The following CACNA2D2 variants were observed in gnomAD, a reference collection of about 807,000 sequenced individuals.
CACNA2D2 encodes calcium voltage-gated channel auxiliary subunit alpha2delta 2.
CACNA2D2 carries 48 observed loss-of-function variants against 166.4 expected under a neutral mutation model. The observed-to-expected ratio is 0.29, with a 90% CI of 0.23 to 0.37. CACNA2D2 has a LOEUF of 0.37. Ranked by LOEUF, CACNA2D2 falls within the 10% of genes least tolerant of loss-of-function variation. The pLI, the probability that CACNA2D2 is intolerant of heterozygous loss-of-function variation, is 1.00. For missense variants in CACNA2D2, 1,122 were observed against 1,433.0 expected (o/e 0.78, Z 3.50); for synonymous variants, 561 against 573.7 (o/e 0.98, Z 0.32).
rs575855941 is a variant in CACNA2D2 at position 50,394,069 on chromosome 3, G to C, written c.465+40C>G. 1.1e-5 allele frequency: 17 copies of C among 1,585,682 alleles called. No homozygotes were observed. In the South Asian group the frequency reaches 1.9e-4, roughly 18 times the overall value. On this transcript the variant is annotated intron_variant, in intron 4 of 37. Transcript: ENST00000424201. ...CAGCATTCAAATCCACGCATGGATG[G>C]GCATGCCCTAAGTGCTGGGCAGGGT...
In CACNA2D2 at chr3:50,380,067, G is replaced by T; in HGVS notation, c.843-49C>A. On this transcript the variant is annotated intron_variant, in intron 8 of 37. Coordinates refer to ENST00000424201, the MANE Select transcript of CACNA2D2 (RefSeq NM_006030.4). This position sits in a 1 kb window ranked among gnomAD's most constrained non-coding sequence, Gnocchi z 4.9. ...GGGTAAGGCCCACTGGGACCTTGTG[G>T]GTCCTTCCTTCCTTCACATACATAT... 2 of 1,586,906 alleles carry T rather than the reference G, an allele frequency of 1.3e-6. No individual in the cohort carries two copies. Among genetic ancestry groups the T allele is most frequent in the Non-Finnish European group, 1.7e-6 (2 of 1,155,616 alleles).
At chr3:50,440,017 T>C (rs1708515761) in intron 2 of CACNA2D2, among the ~76,000 whole-genome samples, 1 of 152,240 alleles carries the variant, frequency 6.6e-6, no homozygotes, top group Admixed American at 6.5e-5. Flanking sequence ...GGAGAGTTGA[T>C]GGGGTAACCA....
At chr3:50,372,885 G>A (rs1704733638) in intron 22 of CACNA2D2, among the ~76,000 whole-genome samples, 1 of 151,786 alleles carries the variant, frequency 6.6e-6, no homozygotes, top group Non-Finnish European at 1.5e-5. Flanking sequence ...ACAGGCCACT[G>A]GCTCTCATAG....
intron 2 of CACNA2D2, among the ~76,000 whole-genome samples, chr3:50,466,633 C>A (rs1709839944): frequency 6.6e-6 from 1 of 152,368 alleles, no homozygotes; most frequent in Non-Finnish European, 1.5e-5. Flanking sequence ...TCTCATGAAC[C>A]ATGATCAGCC....
intron 6 of CACNA2D2, among the ~76,000 whole-genome samples, chr3:50,382,002 A>G (rs1015785179): frequency 2.0e-5 from 3 of 151,364 alleles, no homozygotes; most frequent in African/African-American, 7.3e-5. Context: ...ACACACACAC[A>G]CACACACACA....
chr3:50,464,132 C>A (rs1370467568), intron 2 of CACNA2D2, among the ~76,000 whole-genome samples: 3 of 152,214 alleles, frequency 2.0e-5, no homozygotes, highest in African/African-American at 7.2e-5. Flanking sequence ...CTGAAGCCCC[C>A]CCAGCGACCC....
Position 50,380,053 on chromosome 3 carries a change from A to C in CACNA2D2, c.843-35T>G, listed in dbSNP as rs755512303. 2.5e-6 allele frequency: 4 copies of C among 1,610,426 alleles called. No homozygotes were observed. The highest frequency in any genetic ancestry group is 1.1e-5 in the South Asian group (1 of 91,034). On this transcript the variant is annotated intron_variant, in intron 8 of 37. Transcript: ENST00000424201. The surrounding 1 kb of genome is among the most constrained non-coding windows in gnomAD (Gnocchi z 4.9). ...AGATGCCTCTGTTAGGGTAAGGCCC[A>C]CTGGGACCTTGTGGGTCCTTCCTTC...
At chr3:50,449,174 G>A (rs1708992207) in intron 2 of CACNA2D2, among the ~76,000 whole-genome samples, 1 of 152,234 alleles carries the variant, frequency 6.6e-6, no homozygotes, top group South Asian at 2.1e-4. Flanking sequence ...GAAGCCAAGA[G>A]AGGAACAAAC....
intron 2 of CACNA2D2, among the ~76,000 whole-genome samples, chr3:50,441,291 G>A (rs41315892): frequency 7.9e-5 from 12 of 151,436 alleles, no homozygotes; most frequent in South Asian, 2.1e-4. Context: ...CCCCAGCAAC[G>A]CCTCCCTGTT....
At chr3:50,484,873 C>T (rs1339547597) in intron 1 of CACNA2D2, among the ~76,000 whole-genome samples, 2 of 152,260 alleles carry the variant, frequency 1.3e-5, no homozygotes, top group Non-Finnish European at 2.9e-5. Flanking sequence ...GCCCTCCTGT[C>T]CAGCTTGTGT....
At position 50,408,182 on chromosome 3, in the gene CACNA2D2, A is replaced by C. The variant is rs544863644; in HGVS notation, c.406-14014T>G. ...GATCAAATGGCAGAGCTCAAACTGA[A>C]TCCAGCTTTGTCCATGCCAGGGATG... On this transcript the variant is annotated intron_variant, in intron 3 of 37. Transcript: ENST00000424201. 3.9e-5 allele frequency among the ~76,000 whole-genome samples: 6 copies of C among 152,346 alleles called. No homozygotes were observed. In the South Asian group the frequency reaches 1.2e-3, roughly 32 times the overall value.
intron 2 of CACNA2D2, among the ~76,000 whole-genome samples, chr3:50,450,407 T>C (rs2106952846): frequency 7.5e-6 from 1 of 132,692 alleles, no homozygotes; most frequent in South Asian, 2.6e-4. Flanking sequence ...GAGCTGCTAA[T>C]TCCTCGCCAG....
At position 50,503,173 on chromosome 3, in the gene CACNA2D2, G is replaced by A. The variant is rs1418051529; in HGVS notation, c.206+45C>T. 6.9e-5 allele frequency: 78 copies of A among 1,131,542 alleles called. No individual in the cohort carries two copies. The Admixed American group carries it at 3.6e-3, about 52-fold the overall frequency. The allele number at this position is 1,131,542 out of a possible 1,614,324, so 70.1% of individuals were successfully genotyped here. On this transcript the variant is annotated intron_variant, in intron 1 of 37. Transcript: ENST00000424201. ...TAGCGCGGACCGGGGGCAGAGCGGGGCGCAAGGCTCGGCCGGGGTCTCGCG... is the reference window on the plus strand; with the variant it reads ...TAGCGCGGACCGGGGGCAGAGCGGGACGCAAGGCTCGGCCGGGGTCTCGCG...
At chr3:50,390,046 C>T (rs912899012) in intron 4 of CACNA2D2, among the ~76,000 whole-genome samples, 2 of 152,134 alleles carry the variant, frequency 1.3e-5, no homozygotes, top group African/African-American at 4.8e-5. Flanking sequence ...AGGCCTCTGT[C>T]TGCTTGGGCC....
intron 1 of CACNA2D2, among the ~76,000 whole-genome samples, chr3:50,487,246 G>A (rs1300018523): frequency 1.3e-5 from 2 of 152,210 alleles, no homozygotes; most frequent in African/African-American, 2.4e-5. Context: ...GCCGCCCCTC[G>A]TATACAGCCT....
intron 4 of CACNA2D2, among the ~76,000 whole-genome samples, chr3:50,390,126 T>C (rs927014790): frequency 8.5e-5 from 13 of 152,136 alleles, no homozygotes; most frequent in African/African-American, 2.7e-4. Context: ...CAGTATTCTC[T>C]AGTGACTGAG....
At chr3:50,369,834 A>C (rs1446525525) in intron 23 of CACNA2D2, among the ~76,000 whole-genome samples, 1 of 152,134 alleles carries the variant, frequency 6.6e-6, no homozygotes, top group Non-Finnish European at 1.5e-5. Flanking sequence ...CAACCCCCCA[A>C]GTGAAGTACC....
intron 2 of CACNA2D2, among the ~76,000 whole-genome samples, chr3:50,442,268 C>T (rs961172942): frequency 6.2e-4 from 95 of 152,354 alleles, no homozygotes; most frequent in African/African-American, 2.2e-3. Context: ...GTGTCCCCGC[C>T]TGCCTATGCC....
At chr3:50,399,178 C>T (rs1307659590) in intron 3 of CACNA2D2, among the ~76,000 whole-genome samples, 2 of 152,180 alleles carry the variant, frequency 1.3e-5, no homozygotes, top group Non-Finnish European at 2.9e-5. Context: ...AGGCTAGGTG[C>T]TCCACACTTC....
Sources: allele counts gnomAD v4.1 joint callset (sites outside exome capture counted in the v4.1 genomes callset), GRCh38; gene constraint gnomAD v4.1.1; non-coding constraint Gnocchi (gnomAD v3.1); transcripts MANE v1.5; gene names NCBI Gene and HGNC (gene_info 2026-07-23, HGNC 2026-07-21).